The following ZNF292 variants were observed in gnomAD, a reference collection of about 807,000 sequenced individuals.
ZNF292 encodes the protein 16 zinc-finger domain protein.
In ZNF292, 26 loss-of-function variants were observed where a neutral mutation model predicts 217.9. That is an observed-to-expected ratio of 0.12 (90% CI 0.09 to 0.17). The LOEUF (loss-of-function observed/expected upper bound fraction) is 0.17, where lower values mean the gene tolerates loss of function less well. ZNF292 is among the 10% of genes least tolerant of loss of function. The pLI is 1.00. For missense variants in ZNF292, 2,904 were observed against 3,175.2 expected (o/e 0.91, Z 2.05); for synonymous variants, 1,257 against 1,124.1 (o/e 1.12, Z -2.37).
At chr6:87,197,102 AAATTAGAGAAACTGTAG>A (rs1771971934) in intron 1 of ZNF292, among the ~76,000 whole-genome samples, 1 of 152,144 alleles carries the variant, frequency 6.6e-6, no homozygotes, top group African/African-American at 2.4e-5. Flanking sequence ...AAAGAAGTGC[AAATTAGAGAAACTGTAG>A]AATTTAATAG....
chr6:87,259,870 A>G lies in ZNF292; in HGVS notation c.6241A>G (p.Lys2081Glu). Residue 2081 changes from lysine to glutamate, a missense_variant, in exon 8 of 8, where the codon AAG (lysine) becomes GAG (glutamate). Coordinates refer to ENST00000369577, the MANE Select transcript of ZNF292 (RefSeq NM_015021.3). The stretch of plus-strand genomic sequence containing the variant: ...CACAAACACACAAACCAAAGGACGG[A>G]AGATTAGGAGGCATAAAAAAGAAAA... ...ALTNTQTKGR[K>E]IRRHKKEKEE... The G allele has an allele frequency of 1.2e-6, 2 of 1,613,512 alleles. No homozygotes were observed. Among genetic ancestry groups the G allele is most frequent in the South Asian group, 2.2e-5 (2 of 91,064 alleles).
At chr6:87,193,273 A>G (rs1188329023) in intron 1 of ZNF292, among the ~76,000 whole-genome samples, 2 of 152,196 alleles carry the variant, frequency 1.3e-5, no homozygotes, top group Non-Finnish European at 1.5e-5. Context: ...ACAGCTGGGT[A>G]TGGTGGTATT....
At chr6:87,164,554 G>C (rs929978605) in intron 1 of ZNF292, among the ~76,000 whole-genome samples, 1 of 152,076 alleles carries the variant, frequency 6.6e-6, no homozygotes, top group Non-Finnish European at 1.5e-5. Flanking sequence ...GTAGTGTGAG[G>C]CACTTTTATG....
rs1775231710 is a variant in ZNF292, at chr6:87,256,632, T to G, written c.3003T>G (p.Thr1001=). The part of the protein sequence containing the change: ...EQDCFNDAHV[T]QNSLVNSETL... The stretch of plus-strand genomic sequence containing the variant: ...ATTGCTTTAATGATGCCCATGTTAC[T>G]CAGAATTCTTTAGTAAATTCAGAAA... Residue 1001 remains threonine (T), a synonymous_variant, in exon 8 of 8, where the codon ACT becomes ACG. Transcript: ENST00000369577. 1 of 1,613,672 alleles carries G rather than the reference T, an allele frequency of 6.2e-7. No homozygotes were observed. The highest frequency in any genetic ancestry group is 8.5e-7 in the Non-Finnish European group (1 of 1,179,844).
intron 1 of ZNF292, among the ~76,000 whole-genome samples, chr6:87,197,310 A>G (rs553533302): frequency 6.6e-6 from 1 of 152,272 alleles, no homozygotes; most frequent in African/African-American, 2.4e-5. Flanking sequence ...CTGGAAATCT[A>G]TCCCATAGCA....
Position 87,245,032 on chromosome 6 carries a change from GGAGTTT to G in ZNF292, c.879-467_879-462del, listed in dbSNP as rs1774501060. Among the ~76,000 whole-genome samples, 5 of 152,190 alleles carry G rather than the reference GGAGTTT, an allele frequency of 3.3e-5. No individual in the cohort carries two copies. The South Asian group carries it at 1.0e-3, about 32-fold the overall frequency. On this transcript the variant is annotated intron_variant, in intron 6 of 7. Coordinates refer to ENST00000369577, the MANE Select transcript of ZNF292 (RefSeq NM_015021.3). ...GAGGTGGGCGGATCACCTGAGGTCA[GGAGTTT>G]GAGACCAGCCTGGCCAACATGGTGA... is the stretch of plus-strand genomic sequence containing the variant.
At chr6:87,185,900 C>T (rs58474842) in intron 1 of ZNF292, among the ~76,000 whole-genome samples, 13,830 of 152,160 alleles carry the variant, frequency 0.091, 1,102 homozygotes, top group African/African-American at 0.22. Flanking sequence ...GGACCTTCCA[C>T]GCCCTGCCTG....
chr6:87,234,959 G>A (rs139403285), intron 5 of ZNF292, among the ~76,000 whole-genome samples: 45 of 152,282 alleles, frequency 3.0e-4, no homozygotes, highest in African/African-American at 1.0e-3. Context: ...CTTATGTGAG[G>A]ATATTGAGGA....
chr6:87,259,780 G>A lies in ZNF292; in HGVS notation c.6151G>A (p.Asp2051Asn), dbSNP rs1455045545. The A allele has an allele frequency of 6.2e-7, 1 of 1,603,780 alleles. No homozygotes were observed. Among genetic ancestry groups the A allele is most frequent in the South Asian group, 1.1e-5 (1 of 89,682 alleles). ...EKQLVEKKSP[D>N]KTESSLQVIT... is the part of the protein sequence containing the mutation. ...ACAACTTGTAGAAAAAAAAAGTCCT[G>A]ACAAAACAGAAAGTTCTTTACAAGT... The change falls in exon 8 of 8, where the codon GAC (aspartate) becomes AAC (asparagine). Residue 2051 changes from aspartate (D) to asparagine (N), a missense_variant. By Grantham distance (23) the Asp-to-Asn change is conservative (BLOSUM62 1). This residue lies in a region of ZNF292 where 261 missense variants were observed against 272.8 expected (regional missense o/e 0.96). Coordinates refer to ENST00000369577, the MANE Select transcript of ZNF292 (RefSeq NM_015021.3).
intron 1 of ZNF292, among the ~76,000 whole-genome samples, chr6:87,206,826 A>C (rs1345662297): frequency 2.0e-5 from 3 of 152,254 alleles, no homozygotes; most frequent in African/African-American, 7.2e-5. Context: ...ACGTCATCAC[A>C]CACGCAGAAC....
At chr6:87,165,505 T>C (rs1405641465) in intron 1 of ZNF292, among the ~76,000 whole-genome samples, 1 of 152,206 alleles carries the variant, frequency 6.6e-6, no homozygotes, top group Non-Finnish European at 1.5e-5. Context: ...CACAAAACCA[T>C]ACTTATCTTT....
intron 4 of ZNF292, among the ~76,000 whole-genome samples, chr6:87,229,635 A>G (rs1773548433): frequency 6.6e-6 from 1 of 152,154 alleles, no homozygotes; most frequent in Non-Finnish European, 1.5e-5. Context: ...CATGTTGGTC[A>G]GGCTGGTCTC....
At chr6:87,202,742 C>T (rs1772131629) in intron 1 of ZNF292, among the ~76,000 whole-genome samples, 1 of 151,954 alleles carries the variant, frequency 6.6e-6, no homozygotes, top group Admixed American at 6.5e-5. Context: ...TTTCCCCTTC[C>T]CCCCGCCCCA....
intron 1 of ZNF292, among the ~76,000 whole-genome samples, chr6:87,169,061 G>C (rs192363824): frequency 3.4e-5 from 5 of 146,362 alleles, no homozygotes; most frequent in Admixed American, 6.9e-5. Context: ...TTATTTTTTT[G>C]AGACAGAGTC....
Position 87,255,039 on chromosome 6 carries a change from A to G in ZNF292, c.1410A>G (p.Ile470Met), listed in dbSNP as rs1176605726. 1 of 1,613,740 alleles carries G rather than the reference A, an allele frequency of 6.2e-7. No individual in the cohort carries two copies. The highest frequency in any genetic ancestry group is 8.5e-7 in the Non-Finnish European group (1 of 1,179,866). Reference sequence around the variant, plus strand: ...AAGAAGCATCCATTGTGTCTTCAATAGATGAACTAAATGACAGTGAAGTAT... The same window carrying G: ...AAGAAGCATCCATTGTGTCTTCAATGGATGAACTAAATGACAGTGAAGTAT... Reference protein sequence around the residue: ...MGEEASIVSSIDELNDSEVYE... With the variant: ...MGEEASIVSSMDELNDSEVYE... The change falls in exon 8 of 8, where the codon ATA (isoleucine) becomes ATG (methionine). Residue 470 changes from isoleucine to methionine, a missense_variant. This residue lies in a region of ZNF292 where 87 missense variants were observed against 99.6 expected (regional missense o/e 0.87). Transcript: ENST00000369577.
intron 1 of ZNF292, among the ~76,000 whole-genome samples, chr6:87,164,216 A>T (rs1182813018): frequency 6.6e-6 from 1 of 152,090 alleles, no homozygotes; most frequent in Non-Finnish European, 1.5e-5. Context: ...TTTCATTCAT[A>T]TGTCTGGTGG....
intron 6 of ZNF292, among the ~76,000 whole-genome samples, chr6:87,245,230 T>C (rs1222223182): frequency 2.0e-5 from 3 of 151,838 alleles, no homozygotes; most frequent in African/African-American, 7.3e-5. Context: ...ACAGTGAGAC[T>C]GTCTCAGAAA....
intron 5 of ZNF292, among the ~76,000 whole-genome samples, chr6:87,234,330 G>A (rs1047780942): frequency 5.9e-5 from 9 of 152,084 alleles, no homozygotes; most frequent in South Asian, 2.1e-4. Context: ...AGGCCGAGGC[G>A]GGCGGATCAC....
intron 1 of ZNF292, among the ~76,000 whole-genome samples, chr6:87,169,084 C>G (rs1412144839): frequency 1.3e-5 from 2 of 151,272 alleles, no homozygotes; most frequent in East Asian, 1.9e-4. Context: ...GCTCTGTTGC[C>G]CCAGCTGCAG....
Sources: allele counts gnomAD v4.1 joint callset (sites outside exome capture counted in the v4.1 genomes callset), GRCh38; gene constraint gnomAD v4.1.1; regional missense constraint gnomAD v4.1.1; transcripts MANE v1.5; gene names NCBI Gene and HGNC (gene_info 2026-07-23, HGNC 2026-07-21).